MAP4K2: variants seen among roughly 807,000 people sequenced by gnomAD.
MAP4K2 encodes mitogen-activated protein kinase kinase kinase kinase 2.
Under a neutral mutation model 125.3 loss-of-function variants are expected in MAP4K2, and 85 were observed. That is an observed-to-expected ratio of 0.68 (90% CI 0.57 to 0.81). MAP4K2 has a LOEUF of 0.81. Ranked by LOEUF, MAP4K2 falls within the 40% of genes least tolerant of loss-of-function variation. MAP4K2 has a pLI of 0.00. For synonymous variants in MAP4K2, 479 were observed against 445.1 expected, an observed-to-expected ratio of 1.08 and a Z score of -0.96; for missense variants, 923 against 1,056.4, an observed-to-expected ratio of 0.87 and a Z score of 1.75.
chr11:64,796,512 G>C lies in MAP4K2; in HGVS notation c.1614C>G (p.Asn538Lys), dbSNP rs750848134. ...HRCSWLYCVN[N>K]VLLSLSGKST... ...TTGTACCTGAGAGTGACAGCAGCAC[G>C]TTGTTCACGCAGTAGAGCCAGGAGC... Residue 538 changes from asparagine (N) to lysine (K), a missense_variant, in exon 23 of 32, where the codon AAC (asparagine) becomes AAG (lysine). By Grantham distance (94) the Asn-to-Lys change is moderately conservative (BLOSUM62 0). Around this residue, in one of 2 missense-constraint regions of MAP4K2, gnomAD observed 833 missense variants for 911.4 expected, o/e 0.91. Transcript: ENST00000294066. 3.7e-6 allele frequency: 6 copies of C among 1,613,950 alleles called. No homozygotes were observed. Among genetic ancestry groups the C allele is most frequent in the Non-Finnish European group, 5.1e-6 (6 of 1,180,026 alleles).
chr11:64,797,003 G>C lies in MAP4K2; in HGVS notation c.1386C>G (p.Leu462=). ...TTACATGCACCTTGGGAGTTGGGGG[G>C]AGCCCGTGGCAGGATGACCTCTGGG... ...EDPERSSCHG[L]PPTPKVHMGA... Residue 462 remains leucine (L), a synonymous_variant, in exon 20 of 32, where the codon CTC becomes CTG. Transcript: ENST00000294066. The C allele has an allele frequency of 6.2e-7, 1 of 1,613,910 alleles. No individual in the cohort carries two copies. Among genetic ancestry groups the C allele is most frequent in the Non-Finnish European group, 8.5e-7 (1 of 1,179,944 alleles).
intron 4 of MAP4K2, 109 bp downstream of exon 4, chr11:64,802,310 A>G (rs1262869349): frequency 8.3e-7 from 1 of 1,200,900 alleles, no homozygotes; most frequent in Non-Finnish European, 1.2e-6. Context: ...ACAGCCAGGC[A>G]GGAGTGGAGA....
rs1940280728 is a variant in MAP4K2 at position 64,788,242 on chromosome 11, C to G, written c.*1295G>C. On this transcript the variant is annotated 3_prime_UTR_variant, in exon 32 of 32. Coordinates refer to ENST00000294066, the MANE Select transcript of MAP4K2 (RefSeq NM_004579.5). ...AGGTGCAAAGGTCTTCCTCCAACAC[C>G]TGCCTTGAATGTAGGGGTGACCATG... The G allele has an allele frequency of 6.6e-6, 1 of 152,352 alleles. No homozygotes were observed. 9.4% of individuals were successfully genotyped at this position (152,352 alleles called of 1,614,324 possible). A position where few individuals can be genotyped will look rare whatever the true frequency, so the allele number is the denominator to read the frequency against.
chr11:64,795,832 C>T (rs1241369314), intron 24 of MAP4K2, among the ~76,000 whole-genome samples: 3 of 151,796 alleles, frequency 2.0e-5, no homozygotes, highest in Admixed American at 6.6e-5. Context: ...CACCCAGCCC[C>T]GCTGTTTCTT....
Position 64,796,614 on chromosome 11 carries a change from C to T in MAP4K2, c.1572+20G>A. 1.9e-6 allele frequency: 3 copies of T among 1,614,062 alleles called. No individual in the cohort carries two copies. The highest frequency in any genetic ancestry group is 2.5e-6 in the Non-Finnish European group (3 of 1,180,030). Reference sequence around the variant, plus strand: ...AGGCCCCCACAAGGCCTCTGCCCCCCACAGCCAGCCGGGCCTCACCTTCTC... The same window carrying T: ...AGGCCCCCACAAGGCCTCTGCCCCCTACAGCCAGCCGGGCCTCACCTTCTC... On this transcript the variant is annotated intron_variant, in intron 22 of 31. Transcript: ENST00000294066.
In MAP4K2 at chr11:64,801,173, C is replaced by A; in HGVS notation, c.468G>T (p.Gly156=). ...LQGDVKLADF[G]VSGELTASVA... ...CAGACGCTGTCAGCTCGCCTGACAC[C>A]CCAAAGTCAGCTGTGGGGAGAAACA... The change falls in exon 8 of 32, where the codon GGG becomes GGT. Residue 156 remains glycine (G), a synonymous_variant. Transcript: ENST00000294066. 1.2e-6 allele frequency: 2 copies of A among 1,612,956 alleles called. No individual in the cohort carries two copies. Among genetic ancestry groups the A allele is most frequent in the East Asian group, 2.2e-5 (1 of 44,880 alleles).
rs929112222 is a variant in MAP4K2 at position 64,798,941 on chromosome 11, G to A, written c.1054-104C>T. ...AGGAAAGACAGACAGACAGACAGAC[G>A]GGAAAGGTGAGATGGAAACACACAG... On this transcript the variant is annotated intron_variant, in intron 14 of 31. Coordinates refer to ENST00000294066, the MANE Select transcript of MAP4K2 (RefSeq NM_004579.5). The A allele has an allele frequency of 1.6e-4, 149 of 952,906 alleles. 1 individual carries two copies. Among genetic ancestry groups the A allele is most frequent in the South Asian group, 1.0e-3 (66 of 63,476 alleles). 59.0% of individuals were successfully genotyped at this position (952,906 alleles called of 1,614,324 possible).
intron 14 of MAP4K2, 27 bp downstream of exon 14, chr11:64,799,394 C>T (rs1398041785): frequency 3.7e-6 from 6 of 1,610,920 alleles, no homozygotes; most frequent in South Asian, 3.3e-5. Flanking sequence ...CTGGGCACCA[C>T]CTTCCCCTCA....
intron 7 of MAP4K2, 97 bp downstream of exon 7, chr11:64,801,482 C>T (rs1469782102): frequency 4.3e-6 from 6 of 1,390,860 alleles, no homozygotes; most frequent in Non-Finnish European, 5.0e-6. Flanking sequence ...ACTCAAGTGG[C>T]AAAGTGACTT....
At chr11:64,802,817 CGCCCGCACCCCGCGCCCGCGGGCGCTCT>C (rs1941305053) in intron 2 of MAP4K2, 40 bp downstream of exon 2, 1 of 1,535,850 alleles carries the variant, frequency 6.5e-7, no homozygotes, top group South Asian at 1.2e-5. Context: ...GTCAACCCTC[CGCCCGCACCCCGCGCCCGCGGGCGCTCT>C]GCCCTTCCTC....
chr11:64,789,886 C>T lies in MAP4K2; in HGVS notation c.2319+3G>A. On this transcript the variant is annotated splice_donor_region_variant and intron_variant, in intron 30 of 31. Coordinates refer to ENST00000294066, the MANE Select transcript of MAP4K2 (RefSeq NM_004579.5). ...GACAGCAAGGTCCCTGGGCCCCACT[C>T]ACCTCATTGGTATCCAGGCTTCGGC... 6.2e-7 allele frequency: 1 copy of T among 1,613,992 alleles called. No homozygotes were observed. Among genetic ancestry groups the T allele is most frequent in the Non-Finnish European group, 8.5e-7 (1 of 1,179,986 alleles).
At position 64,803,198 on chromosome 11, in the gene MAP4K2, C is replaced by G. The variant is rs1941359923; in HGVS notation, c.-49G>C. On this transcript the variant is annotated 5_prime_UTR_variant, in exon 1 of 32. Transcript: ENST00000294066. ...AGGCGGGCGGGCGCGAGCTGCGGAG[C>G]CGGCGCGGGGCGGCGCGGGGCGGGG... 2.3e-6 allele frequency: 2 copies of G among 854,194 alleles called. No homozygotes were observed. The highest frequency in any genetic ancestry group is 2.8e-6 in the Non-Finnish European group (2 of 711,656). The allele number at this position is 854,194 out of a possible 1,614,324, so 52.9% of individuals were successfully genotyped here.
chr11:64,800,267 T>A (rs764775299), intron 11 of MAP4K2, 44 bp downstream of exon 11: 1 of 1,612,344 alleles, frequency 6.2e-7, no homozygotes. Flanking sequence ...TCCAGGGCCC[T>A]GCTTTTGAGT....
chr11:64,801,544 A>T, intron 7 of MAP4K2, 35 bp downstream of exon 7: 1 of 1,612,266 alleles, frequency 6.2e-7, no homozygotes, highest in Non-Finnish European at 8.5e-7. Flanking sequence ...GGGTCCACAG[A>T]GCCCTCACCC....
In MAP4K2 at chr11:64,802,546, GGAT is replaced by G; in HGVS notation, c.245+14_245+16del. ...ACATGGGGGCTGCCTGGGGCCAGGAGGATAAGGCAGCCTCACCTGAGGTAGCTG... is the reference window on the plus strand; with the variant it reads ...ACATGGGGGCTGCCTGGGGCCAGGAGAAGGCAGCCTCACCTGAGGTAGCTG... On this transcript the variant is annotated intron_variant, in intron 3 of 31. Transcript: ENST00000294066. 6.3e-7 allele frequency: 1 copy of G among 1,595,688 alleles called. No homozygotes were observed. Among genetic ancestry groups the G allele is most frequent in the Non-Finnish European group, 8.5e-7 (1 of 1,171,038 alleles).
At chr11:64,800,739 C>A (rs780345726) in intron 10 of MAP4K2, 25 bp downstream of exon 10, 2 of 1,584,322 alleles carry the variant, frequency 1.3e-6, no homozygotes, top group East Asian at 2.3e-5. Flanking sequence ...AAAAGGGGGT[C>A]CCGGCAGCAG....
rs1940206030 is a variant in MAP4K2, at chr11:64,786,645, A to C, written c.*2892T>G. On this transcript the variant is annotated 3_prime_UTR_variant, in exon 32 of 32. Transcript: ENST00000294066. ...CTGACCCTCCCACAGGTTTCTGCCCATGGAGGGGCAACTGGACAGCAGCTA... is the reference window on the plus strand; with the variant it reads ...CTGACCCTCCCACAGGTTTCTGCCCCTGGAGGGGCAACTGGACAGCAGCTA... 2.0e-5 allele frequency: 3 copies of C among 152,222 alleles called. No individual in the cohort carries two copies. Among genetic ancestry groups the C allele is most frequent in the Admixed American group, 6.5e-5 (1 of 15,276 alleles). 9.4% of individuals were successfully genotyped at this position (152,222 alleles called of 1,614,324 possible).
chr11:64,799,458 G>T lies in MAP4K2; in HGVS notation c.1016C>A (p.Ala339Asp). Residue 339 changes from alanine (A) to aspartate (D), a missense_variant, in exon 14 of 32, where the codon GCC becomes GAC. Physicochemically the swap from Ala to Asp is moderately radical, Grantham distance 126. Around this residue, in one of 2 missense-constraint regions of MAP4K2, gnomAD observed 833 missense variants for 911.4 expected, o/e 0.91. Transcript: ENST00000294066. The stretch of plus-strand genomic sequence containing the variant: ...TGGGTCAGTTTCCTTCCTGCGTGGG[G>T]CGCCAAATTTCACCTGGTGAACTGG... ...EIQFHQVKFG[A>D]PRRKETDPLN... The T allele has an allele frequency of 1.2e-6, 2 of 1,611,614 alleles. No individual in the cohort carries two copies. Among genetic ancestry groups the T allele is most frequent in the Non-Finnish European group, 1.7e-6 (2 of 1,179,304 alleles).
chr11:64,792,255 C>T lies in MAP4K2; in HGVS notation c.1831G>A (p.Ala611Thr), dbSNP rs757474444. The T allele has an allele frequency of 4.3e-6, 7 of 1,610,984 alleles. No homozygotes were observed. Among genetic ancestry groups the T allele is most frequent in the South Asian group, 1.1e-5 (1 of 90,698 alleles). The part of the protein sequence containing the change: ...CRVVRNPYTG[A>T]TFLLAALPTS... Reference sequence around the variant, plus strand: ...GGCAGGGCGGCCAGCAGGAAGGTGGCACCCGTGTAGGGGTTCCGCACTGGC... The same window carrying T: ...GGCAGGGCGGCCAGCAGGAAGGTGGTACCCGTGTAGGGGTTCCGCACTGGC... The change falls in exon 26 of 32, where the codon GCC (alanine) becomes ACC (threonine). Residue 611 changes from alanine to threonine, a missense_variant. Around this residue, in one of 2 missense-constraint regions of MAP4K2, gnomAD observed 833 missense variants for 911.4 expected, o/e 0.91. Coordinates refer to ENST00000294066, the MANE Select transcript of MAP4K2 (RefSeq NM_004579.5).
Sources: gnomAD v4.1 joint callset for allele counts (sites outside exome capture counted in the v4.1 genomes callset) on GRCh38, gnomAD v4.1.1 for gene constraint, gnomAD v4.1.1 regional missense constraint, MANE v1.5 for transcripts, NCBI Gene and HGNC (gene_info 2026-07-23, HGNC 2026-07-21) for gene names.